THSD7B: variants seen among roughly 807,000 people sequenced by gnomAD.
The protein encoded by THSD7B is thrombospondin type 1 domain containing 7B.
Under a neutral mutation model 213.6 loss-of-function variants are expected in THSD7B, and 138 were observed. The ratio of observed to expected loss-of-function variants is 0.65; its 90% CI spans 0.56 to 0.74. The LOEUF (loss-of-function observed/expected upper bound fraction) is 0.74, where lower values mean the gene tolerates loss of function less well. Ranked by LOEUF, THSD7B falls within the 30% of genes least tolerant of loss-of-function variation. The pLI is 0.00. For missense variants in THSD7B, 1,931 were observed against 1,991.5 expected (o/e 0.97, Z 0.58); for synonymous variants, 742 against 687.0 (o/e 1.08, Z -1.25).
intron 2 of THSD7B, among the ~76,000 whole-genome samples, chr2:136,940,064 T>A (rs1684795286): frequency 6.6e-6 from 1 of 152,206 alleles, no homozygotes; most frequent in Non-Finnish European, 1.5e-5. Flanking sequence ...TGGTTTTTTA[T>A]CTTTTTTAAC....
intron 12 of THSD7B, among the ~76,000 whole-genome samples, chr2:137,295,966 T>C (rs990340): frequency 0.64 from 96,886 of 151,988 alleles, 31,520 homozygotes; most frequent in East Asian, 0.94. Context: ...GGATTGAGCT[T>C]GTTTGAATTT....
intron 1 of THSD7B, among the ~76,000 whole-genome samples, chr2:136,800,226 A>C (rs558654873): frequency 5.3e-5 from 8 of 152,046 alleles, no homozygotes; most frequent in African/African-American, 1.9e-4. Context: ...AGACCACCAA[A>C]TTTTGTACAG....
chr2:137,331,887 G>A (rs1031613462), intron 12 of THSD7B, among the ~76,000 whole-genome samples: 23 of 152,224 alleles, frequency 1.5e-4, no homozygotes, highest in African/African-American at 4.8e-4. Context: ...CGGCGGGGCC[G>A]GCCGGCTGCT....
chr2:136,819,116 G>A (rs1206550805), intron 1 of THSD7B, among the ~76,000 whole-genome samples: 1 of 152,058 alleles, frequency 6.6e-6, no homozygotes, highest in Non-Finnish European at 1.5e-5. Flanking sequence ...CAGTGGGAAC[G>A]AAAGGATCCA....
At chr2:137,256,023 C>T (rs1370679107) in intron 10 of THSD7B, among the ~76,000 whole-genome samples, 1 of 152,044 alleles carries the variant, frequency 6.6e-6, no homozygotes, top group African/African-American at 2.4e-5. Context: ...TTTAAAAATC[C>T]CCCTTCTTCC....
chr2:137,111,993 G>A (rs1265351340), intron 4 of THSD7B, among the ~76,000 whole-genome samples: 2 of 152,158 alleles, frequency 1.3e-5, no homozygotes, highest in African/African-American at 2.4e-5. Flanking sequence ...TCTTTGACAT[G>A]GGCTTAGCCA....
chr2:137,526,716 A>C (rs1680287353), intron 15 of THSD7B, among the ~76,000 whole-genome samples: 1 of 152,040 alleles, frequency 6.6e-6, no homozygotes, highest in African/African-American at 2.4e-5. Context: ...GAGCCACCAC[A>C]CCCAGCCAGT....
At chr2:137,149,435 G>A (rs1355844765) in intron 5 of THSD7B, among the ~76,000 whole-genome samples, 1 of 152,144 alleles carries the variant, frequency 6.6e-6, no homozygotes, top group Non-Finnish European at 1.5e-5. Flanking sequence ...ATCCCAGAAT[G>A]ATAGGTCCAC....
intron 10 of THSD7B, among the ~76,000 whole-genome samples, chr2:137,247,045 A>C (rs924309947): frequency 6.6e-6 from 1 of 152,166 alleles, no homozygotes; most frequent in East Asian, 1.9e-4. Context: ...ATTTTACAAT[A>C]TGTCTTCACA....
chr2:136,856,305 C>A (rs1198322933), intron 1 of THSD7B, among the ~76,000 whole-genome samples: 1 of 152,120 alleles, frequency 6.6e-6, no homozygotes, highest in Non-Finnish European at 1.5e-5. Context: ...GAGGGGTCTT[C>A]CAAAACACAT....
At chr2:137,191,383 G>C (rs2105014910) in intron 7 of THSD7B, among the ~76,000 whole-genome samples, 1 of 151,766 alleles carries the variant, frequency 6.6e-6, no homozygotes, top group Non-Finnish European at 1.5e-5. Flanking sequence ...CATTTTTATT[G>C]TTCTCTTGCT....
intron 10 of THSD7B, among the ~76,000 whole-genome samples, chr2:137,246,991 C>G (rs1682055023): frequency 6.6e-6 from 1 of 152,148 alleles, no homozygotes; most frequent in African/African-American, 2.4e-5. Flanking sequence ...CCATAGGTGA[C>G]TTATAAGCAG....
At chr2:137,199,274 ATCTAG>A (rs1182978081) in intron 7 of THSD7B, among the ~76,000 whole-genome samples, 1 of 152,176 alleles carries the variant, frequency 6.6e-6, no homozygotes, top group Non-Finnish European at 1.5e-5. Flanking sequence ...AAGATAATGT[ATCTAG>A]TCTTTTCTCA....
rs569260839 is a variant in THSD7B at position 137,037,050 on chromosome 2, T to C, written c.140-19370T>C. Reference sequence around the variant, plus strand: ...TCTGACTCAGTGTTCCTAAAGCCTTTGTACATTGGTTAGCATAGCTACTCC... The same window carrying C: ...TCTGACTCAGTGTTCCTAAAGCCTTCGTACATTGGTTAGCATAGCTACTCC... On this transcript the variant is annotated intron_variant, in intron 2 of 27. Transcript: ENST00000409968. Among the ~76,000 whole-genome samples, 7 of 152,312 alleles carry C rather than the reference T, an allele frequency of 4.6e-5. No individual in the cohort carries two copies. The East Asian group carries it at 1.4e-3, about 29-fold the overall frequency.
intron 1 of THSD7B, among the ~76,000 whole-genome samples, chr2:136,880,089 T>C (rs1368424114): frequency 6.6e-6 from 1 of 152,068 alleles, no homozygotes; most frequent in Non-Finnish European, 1.5e-5. Flanking sequence ...TATCCAGGAC[T>C]TGAACTCAGC....
intron 1 of THSD7B, among the ~76,000 whole-genome samples, chr2:136,767,748 T>C (rs1188691819): frequency 6.6e-6 from 1 of 152,148 alleles, no homozygotes; most frequent in Non-Finnish European, 1.5e-5. Context: ...TAGATTAATC[T>C]GTGATAAGGG....
intron 1 of THSD7B, among the ~76,000 whole-genome samples, chr2:136,822,711 G>A (rs1274112041): frequency 2.0e-5 from 3 of 152,178 alleles, no homozygotes; most frequent in Admixed American, 6.5e-5. Context: ...AGGAGCTAGC[G>A]GAAGATGGCC....
At chr2:137,389,238 T>TAG (rs1553445651) in intron 12 of THSD7B, among the ~76,000 whole-genome samples, 53 of 140,780 alleles carry the variant, frequency 3.8e-4, no homozygotes, top group African/African-American at 1.4e-3. Context: ...TATATATATA[T>TAG]AGAGAGAGTT....
At chr2:137,182,178 A>G (rs1303813144) in intron 7 of THSD7B, among the ~76,000 whole-genome samples, 2 of 152,188 alleles carry the variant, frequency 1.3e-5, no homozygotes, top group Non-Finnish European at 2.9e-5. Context: ...TTAGAGAAAT[A>G]CTAAGGCATA....
Sources: gnomAD v4.1 joint callset for allele counts (sites outside exome capture counted in the v4.1 genomes callset) on GRCh38, gnomAD v4.1.1 for gene constraint, MANE v1.5 for transcripts, NCBI Gene and HGNC (gene_info 2026-07-23, HGNC 2026-07-21) for gene names.